KHDRBS2: variants seen among roughly 807,000 people sequenced by gnomAD.
KHDRBS2 encodes the protein KH RNA binding domain containing, signal transduction associated 2, also known as KH domain-containing, RNA-binding, signal transduction-associated protein 2.
Under a neutral mutation model 44.3 loss-of-function variants are expected in KHDRBS2, and 26 were observed. The ratio of observed to expected loss-of-function variants is 0.59; its 90% CI spans 0.43 to 0.81. KHDRBS2 has a LOEUF of 0.81. Among genes scored for constraint, KHDRBS2 ranks in the 40% least tolerant of loss-of-function variants. The pLI, the probability that KHDRBS2 is intolerant of heterozygous loss-of-function variation, is 0.00. For synonymous variants in KHDRBS2, 194 were observed against 151.1 expected, an observed-to-expected ratio of 1.28 and a Z score of -2.08; for missense variants, 476 against 433.1, an observed-to-expected ratio of 1.10 and a Z score of -0.88.
At chr6:61,939,682 C>T (rs533867511) in intron 4 of KHDRBS2, among the ~76,000 whole-genome samples, 131 of 152,262 alleles carry the variant, frequency 8.6e-4, no homozygotes, top group African/African-American at 3.2e-3. Flanking sequence ...ATAAATGAAG[C>T]TGAATTTTAG....
chr6:62,021,833 G>C (rs569583240), intron 3 of KHDRBS2, among the ~76,000 whole-genome samples: 62 of 151,262 alleles, frequency 4.1e-4, no homozygotes, highest in African/African-American at 1.4e-3. Flanking sequence ...ACTGACTTTA[G>C]AGACTAATTA....
At chr6:61,662,634 A>C in the KHDRBS2 span, among the ~76,000 whole-genome samples, 1 of 152,024 alleles carries the variant, frequency 6.6e-6, no homozygotes, top group African/African-American at 2.4e-5. Context: ...ATGCAGCCAA[A>C]AAACACATGA....
intron 4 of KHDRBS2, among the ~76,000 whole-genome samples, chr6:61,941,562 C>A (rs543772828): frequency 4.9e-4 from 75 of 152,250 alleles, no homozygotes; most frequent in African/African-American, 1.6e-3. Context: ...GAAGACTGAT[C>A]TAACCTGGTG....
intron 6 of KHDRBS2, among the ~76,000 whole-genome samples, chr6:61,809,171 T>G (rs1277739495): frequency 6.6e-6 from 1 of 152,110 alleles, no homozygotes; most frequent in South Asian, 2.1e-4. Flanking sequence ...TCAAATTTAC[T>G]AATACCAGTC....
intron 5 of KHDRBS2, among the ~76,000 whole-genome samples, chr6:61,899,974 TA>T (rs1442599507): frequency 6.6e-6 from 1 of 151,902 alleles, no homozygotes; most frequent in Non-Finnish European, 1.5e-5. Context: ...AAACAACCCA[TA>T]AAAAAGTACA....
rs1223466432 is a variant in KHDRBS2 at position 61,921,304 on chromosome 6, A to G, written c.484-19933T>C. Among the ~76,000 whole-genome samples the G allele has an allele frequency of 2.6e-5, 4 of 151,966 alleles. No individual in the cohort carries two copies. In the East Asian group the frequency reaches 5.8e-4, roughly 22 times the overall value. Reference sequence around the variant, plus strand: ...TGTACCAATCAGCAAGTGTTCTTATATTATTCATCTATTGAGTAAATTTCT... The same window carrying G: ...TGTACCAATCAGCAAGTGTTCTTATGTTATTCATCTATTGAGTAAATTTCT... On this transcript the variant is annotated intron_variant, in intron 4 of 8. Transcript: ENST00000281156.
At chr6:61,970,128 A>C (rs530284756) in intron 4 of KHDRBS2, among the ~76,000 whole-genome samples, 21 of 152,088 alleles carry the variant, frequency 1.4e-4, no homozygotes, top group South Asian at 2.1e-4. Flanking sequence ...TCTTCTCTCT[A>C]TATATGTGTG....
At chr6:61,612,553 C>CT in the KHDRBS2 span, among the ~76,000 whole-genome samples, 2 of 152,310 alleles carry the variant, frequency 1.3e-5, no homozygotes, top group East Asian at 3.9e-4. Flanking sequence ...GACAATGCTT[C>CT]TAAATGCTTA....
At chr6:62,190,578 T>G (rs759577098) in intron 1 of KHDRBS2, among the ~76,000 whole-genome samples, 2 of 152,114 alleles carry the variant, frequency 1.3e-5, no homozygotes, top group Non-Finnish European at 2.9e-5. Flanking sequence ...CTACCATCTT[T>G]CATCTTTTTA....
At chr6:61,761,861 C>G (rs951787115) in intron 6 of KHDRBS2, among the ~76,000 whole-genome samples, 1 of 152,056 alleles carries the variant, frequency 6.6e-6, no homozygotes, top group African/African-American at 2.4e-5. Context: ...TGCATAGGAT[C>G]TAATTCATTC....
At chr6:61,556,042 C>A in the KHDRBS2 span, among the ~76,000 whole-genome samples, 1 of 152,156 alleles carries the variant, frequency 6.6e-6, no homozygotes, top group Non-Finnish European at 1.5e-5. Flanking sequence ...GTTCTTGTCA[C>A]CTGGGGCCAC....
intron 6 of KHDRBS2, among the ~76,000 whole-genome samples, chr6:61,788,605 C>T (rs1336514462): frequency 6.6e-6 from 1 of 150,938 alleles, no homozygotes; most frequent in East Asian, 1.9e-4. Context: ...AGATAGATAC[C>T]ACATATCTAA....
At chr6:62,143,223 T>G (rs1467030558) in intron 2 of KHDRBS2, among the ~76,000 whole-genome samples, 16 of 151,922 alleles carry the variant, frequency 1.1e-4, no homozygotes, top group Admixed American at 9.8e-4. Flanking sequence ...TGACATAAAT[T>G]TATTGTGACT....
At chr6:61,705,119 A>AT (rs1392957663) in intron 7 of KHDRBS2, among the ~76,000 whole-genome samples, 1 of 151,884 alleles carries the variant, frequency 6.6e-6, no homozygotes, top group East Asian at 1.9e-4. Flanking sequence ...CCAAACTCAA[A>AT]TGCATAGATT....
chr6:62,223,389 C>G (rs1038722956), intron 1 of KHDRBS2, among the ~76,000 whole-genome samples: 7 of 152,262 alleles, frequency 4.6e-5, no homozygotes, highest in African/African-American at 1.7e-4. Context: ...GTCAGGCCAA[C>G]GAAATCATTT....
At chr6:62,061,002 C>CT (rs1246642152) in intron 2 of KHDRBS2, among the ~76,000 whole-genome samples, 2 of 151,674 alleles carry the variant, frequency 1.3e-5, no homozygotes, top group Non-Finnish European at 2.9e-5. Flanking sequence ...CAACCCTTGC[C>CT]TTTTTTTGTT....
At chr6:61,847,566 A>G (rs1463196505) in intron 6 of KHDRBS2, among the ~76,000 whole-genome samples, 1 of 152,106 alleles carries the variant, frequency 6.6e-6, no homozygotes, top group Admixed American at 6.6e-5. Flanking sequence ...TTACTTGAGG[A>G]CTGGCTATTG....
At chr6:61,727,966 A>G (rs557681394) in intron 7 of KHDRBS2, among the ~76,000 whole-genome samples, 1 of 152,288 alleles carries the variant, frequency 6.6e-6, no homozygotes, top group East Asian at 1.9e-4. Flanking sequence ...ATAAAGATAC[A>G]TGCACACATA....
chr6:61,942,563 C>T (rs969126875), intron 4 of KHDRBS2, among the ~76,000 whole-genome samples: 8 of 152,022 alleles, frequency 5.3e-5, no homozygotes, highest in Non-Finnish European at 8.8e-5. Context: ...AAAGCAAAGG[C>T]TTCATAACAT....
Sources: allele counts gnomAD v4.1 joint callset (sites outside exome capture counted in the v4.1 genomes callset), GRCh38; gene constraint gnomAD v4.1.1; transcripts MANE v1.5; gene names NCBI Gene and HGNC (gene_info 2026-07-23, HGNC 2026-07-21).